Variants in ARHGAP6 observed in about 807,000 individuals in gnomAD.
ARHGAP6 encodes rho GTPase-activating protein 6.
In ARHGAP6, 16 loss-of-function variants were observed where a neutral mutation model predicts 55.7. That is an observed-to-expected ratio of 0.29 (90% CI 0.19 to 0.44). The LOEUF (loss-of-function observed/expected upper bound fraction) is 0.44. ARHGAP6 is among the 20% of genes least tolerant of loss of function. The pLI is 1.00. For missense variants in ARHGAP6, 698 were observed against 808.9 expected, an observed-to-expected ratio of 0.86 and a Z score of 1.66; for synonymous variants, 382 against 360.9, an observed-to-expected ratio of 1.06 and a Z score of -0.66.
At chrX:11,165,208 C>CCAT (rs1250356146) in intron 9 of ARHGAP6, among the ~76,000 whole-genome samples, 1 of 110,709 alleles carries the variant, frequency 9.0e-6, no homozygotes, top group African/African-American at 3.3e-5. Flanking sequence ...TACTGAGCAC[C>CCAT]CATCTTTTGC....
At chrX:11,143,838 C>A in intron 11 of ARHGAP6, 142 bp downstream of exon 11, 1 of 1,184,792 alleles carries the variant, frequency 8.4e-7, no homozygotes, top group South Asian at 1.9e-5. Context: ...TCAGCAGGTA[C>A]TCGGTAAATG....
At chrX:11,480,465 G>A (rs1003153485) in intron 1 of ARHGAP6, among the ~76,000 whole-genome samples, 1 of 110,635 alleles carries the variant, frequency 9.0e-6, no homozygotes, top group Non-Finnish European at 1.9e-5. Flanking sequence ...GGAGAAATGG[G>A]GAGTGATGGC....
intron 1 of ARHGAP6, among the ~76,000 whole-genome samples, chrX:11,318,890 G>T (rs2048392627): frequency 8.9e-6 from 1 of 111,964 alleles, no homozygotes; most frequent in Admixed American, 9.5e-5. Flanking sequence ...CAGAGGGGAG[G>T]GAAGAGCAAA....
chrX:11,491,488 T>C (rs1474724848), intron 1 of ARHGAP6, among the ~76,000 whole-genome samples: 1 of 110,987 alleles, frequency 9.0e-6, no homozygotes, highest in African/African-American at 3.3e-5. Context: ...CTTGCGATAG[T>C]TTACTGAGAA....
At chrX:11,520,827 T>C (rs1047334592) in intron 1 of ARHGAP6, among the ~76,000 whole-genome samples, 2 of 111,820 alleles carry the variant, frequency 1.8e-5, no homozygotes, top group African/African-American at 3.3e-5. Context: ...GCACCTGTTG[T>C]TTCCTGACTT....
At chrX:11,600,306 C>T (rs2051954013) in intron 1 of ARHGAP6, among the ~76,000 whole-genome samples, 2 of 112,224 alleles carry the variant, frequency 1.8e-5, no homozygotes, top group Admixed American at 1.9e-4. Flanking sequence ...CTGTCAAGGA[C>T]CAGATGCTTT....
rs776346564 is a variant in ARHGAP6 at position 11,457,041 on chromosome X, G to A, written c.589-202334C>T. Among the ~76,000 whole-genome samples the A allele has an allele frequency of 1.4e-3, 158 of 111,435 alleles. 1 individual carries two copies. The highest frequency in any genetic ancestry group is 2.8e-3 in the Admixed American group (29 of 10,481). On this transcript the variant is annotated intron_variant, in intron 1 of 12. Coordinates refer to ENST00000337414, the MANE Select transcript of ARHGAP6 (RefSeq NM_013427.3). Reference sequence around the variant, plus strand: ...CTGTTAATACTGCTATCAATAGAGCGAAGCATAGCATTTGGTAGTCACAGC... The same window carrying A: ...CTGTTAATACTGCTATCAATAGAGCAAAGCATAGCATTTGGTAGTCACAGC...
intron 9 of ARHGAP6, among the ~76,000 whole-genome samples, chrX:11,163,702 A>ATAAT (rs753723860): frequency 1.2e-4 from 14 of 112,333 alleles, no homozygotes; most frequent in Non-Finnish European, 2.6e-4. Context: ...AGGTGGTTTA[A>ATAAT]TAATTTAAGG....
chrX:11,586,437 C>T (rs1034568556), intron 1 of ARHGAP6, among the ~76,000 whole-genome samples: 1 of 111,394 alleles, frequency 9.0e-6, no homozygotes, highest in African/African-American at 3.3e-5. Context: ...GAGTCCTTTC[C>T]CCATTGCTTG....
intron 1 of ARHGAP6, among the ~76,000 whole-genome samples, chrX:11,523,444 T>A (rs1033715353): frequency 9.0e-6 from 1 of 111,573 alleles, no homozygotes; most frequent in African/African-American, 3.3e-5. Flanking sequence ...GAAGTCAAAT[T>A]GTCCCTGTTT....
chrX:11,271,301 T>A (rs900709635), intron 1 of ARHGAP6, among the ~76,000 whole-genome samples: 1 of 111,934 alleles, frequency 8.9e-6, no homozygotes, highest in Non-Finnish European at 1.9e-5. Flanking sequence ...CAGCAGGATA[T>A]AAAACAAGCC....
intron 1 of ARHGAP6, among the ~76,000 whole-genome samples, chrX:11,460,984 G>A (rs189610631): frequency 2.7e-5 from 3 of 112,037 alleles, no homozygotes; most frequent in Non-Finnish European, 3.8e-5. Flanking sequence ...TGATGCTGTG[G>A]GTTTTCGGGG....
intron 1 of ARHGAP6, among the ~76,000 whole-genome samples, chrX:11,290,783 C>T (rs1413483476): frequency 9.0e-6 from 1 of 111,654 alleles, no homozygotes; most frequent in African/African-American, 3.3e-5. Context: ...GGAGAGGAAC[C>T]CCAAAACAAA....
At chrX:11,291,986 G>A (rs2048001882) in intron 1 of ARHGAP6, among the ~76,000 whole-genome samples, 1 of 111,433 alleles carries the variant, frequency 9.0e-6, no homozygotes, top group Non-Finnish European at 1.9e-5. Flanking sequence ...CCAGCTGACA[G>A]GGTTGGGGAG....
intron 1 of ARHGAP6, among the ~76,000 whole-genome samples, chrX:11,564,100 G>C (rs1011614976): frequency 7.2e-5 from 8 of 111,530 alleles, no homozygotes; most frequent in African/African-American, 2.6e-4. Context: ...TAAAATGATA[G>C]ATAGCAAGAA....
At chrX:11,366,605 A>T (rs1231776149) in intron 1 of ARHGAP6, among the ~76,000 whole-genome samples, 3 of 111,417 alleles carry the variant, frequency 2.7e-5, no homozygotes, top group African/African-American at 9.8e-5. Context: ...TAAGTGAGGG[A>T]GGTGGGGAGA....
At chrX:11,483,754 T>G (rs1375952601) in intron 1 of ARHGAP6, among the ~76,000 whole-genome samples, 1 of 112,080 alleles carries the variant, frequency 8.9e-6, no homozygotes, top group East Asian at 2.8e-4. Context: ...TGAAACTGGT[T>G]AATAAATTGG....
chrX:11,358,236 C>A (rs2048957362), intron 1 of ARHGAP6, among the ~76,000 whole-genome samples: 1 of 111,740 alleles, frequency 8.9e-6, no homozygotes, highest in Non-Finnish European at 1.9e-5. Context: ...TAAATATATT[C>A]TTCTGTATTG....
chrX:11,373,021 A>G (rs767018660), intron 1 of ARHGAP6, among the ~76,000 whole-genome samples: 16 of 109,283 alleles, frequency 1.5e-4, no homozygotes, highest in Non-Finnish European at 2.7e-4. Context: ...ATCCCTAACC[A>G]TGAAACTAAA....
Sources: gnomAD v4.1 joint callset for allele counts (sites outside exome capture counted in the v4.1 genomes callset) on GRCh38, gnomAD v4.1.1 for gene constraint, MANE v1.5 for transcripts, NCBI Gene and HGNC (gene_info 2026-07-23, HGNC 2026-07-21) for gene names.